The following NCOR2 variants were observed in gnomAD, a reference collection of about 807,000 sequenced individuals.
The protein encoded by NCOR2 is CTG repeat protein 26.
In NCOR2, 81 loss-of-function variants were observed where a neutral mutation model predicts 262.9. The observed-to-expected ratio is 0.31, with a 90% CI of 0.26 to 0.37. The LOEUF (loss-of-function observed/expected upper bound fraction) is 0.37. Among genes scored for constraint, NCOR2 ranks in the 10% least tolerant of loss-of-function variants. NCOR2 has a pLI of 1.00. For missense variants in NCOR2, 3,385 were observed against 3,621.4 expected (o/e 0.93, Z 1.68); for synonymous variants, 1,659 against 1,559.3 (o/e 1.06, Z -1.51).
At chr12:124,400,123 T>C (rs1281810683) in intron 15 of NCOR2, among the ~76,000 whole-genome samples, 1 of 152,162 alleles carries the variant, frequency 6.6e-6, no homozygotes, top group Non-Finnish European at 1.5e-5. Flanking sequence ...AATCCGGAAC[T>C]GGTCACTGGG....
In NCOR2 at chr12:124,372,153, CTTGAG is replaced by C. The variant is rs2039566562; in HGVS notation, c.2671_2675del (p.Leu891GlyfsTer36). The C allele has an allele frequency of 6.2e-7, 1 of 1,601,390 alleles. No individual in the cohort carries two copies. On this transcript the variant is annotated frameshift_variant, in exon 20 of 47. Coordinates refer to ENST00000405201, the Ensembl canonical transcript of NCOR2. LOFTEE classifies it high-confidence loss of function. ...CGCTCCCGCCCTCCTTCTTCTCTGCCTTGAGCGCCCCCTCGGCCGTGGCCTCAGCG... is the reference window on the plus strand; with the variant it reads ...CGCTCCCGCCCTCCTTCTTCTCTGCCCGCCCCCTCGGCCGTGGCCTCAGCG...
chr12:124,411,140 G>C lies in NCOR2; in HGVS notation c.1483-8579C>G, dbSNP rs191758432. Reference sequence around the variant, plus strand: ...AAAAGACTTAGATGGGGGAAAGAGAGAGAGACGGGAAAGCACATGCAGAGA... The same window carrying C: ...AAAAGACTTAGATGGGGGAAAGAGACAGAGACGGGAAAGCACATGCAGAGA... On this transcript the variant is annotated intron_variant, in intron 13 of 46. Transcript: ENST00000405201. 8.9e-4 allele frequency among the ~76,000 whole-genome samples: 136 copies of C among 151,970 alleles called. 1 individual carries two copies. Among genetic ancestry groups the C allele is most frequent in the Middle Eastern group, 3.4e-3 (1 of 294 alleles).
intron 6 of NCOR2, among the ~76,000 whole-genome samples, chr12:124,453,750 C>T (rs901249736): frequency 1.3e-5 from 2 of 152,220 alleles, no homozygotes; most frequent in African/African-American, 2.4e-5. Flanking sequence ...GCAGAGAGGT[C>T]GGGGCTGCTG....
chr12:124,342,770 G>T (rs73419849), intron 33 of NCOR2, among the ~76,000 whole-genome samples: 1 of 152,076 alleles, frequency 6.6e-6, no homozygotes, highest in African/African-American at 2.4e-5. Flanking sequence ...AAGTCCTGCC[G>T]GAAAAGAAAA....
chr12:124,553,453 G>T (rs942937509), intron 1 of NCOR2, among the ~76,000 whole-genome samples: 1 of 152,140 alleles, frequency 6.6e-6, no homozygotes, highest in African/African-American at 2.4e-5. Context: ...AACTCCCAAG[G>T]CCCCACCCCA....
intron 32 of NCOR2, among the ~76,000 whole-genome samples, chr12:124,343,787 C>T (rs957084244): frequency 6.6e-5 from 10 of 152,122 alleles, no homozygotes; most frequent in African/African-American, 1.7e-4. Flanking sequence ...CCACCACACC[C>T]GGTTATTTTT....
intron 5 of NCOR2, among the ~76,000 whole-genome samples, chr12:124,460,069 C>T (rs1383806356): frequency 6.6e-6 from 1 of 152,238 alleles, no homozygotes; most frequent in African/African-American, 2.4e-5. Flanking sequence ...GTCCACCTCC[C>T]TCGACCACTC....
chr12:124,382,764 T>C (rs1432528584), intron 17 of NCOR2, among the ~76,000 whole-genome samples: 1 of 152,232 alleles, frequency 6.6e-6, no homozygotes, highest in Non-Finnish European at 1.5e-5. Context: ...ATGGGGCTGC[T>C]GAATGGACAG....
At chr12:124,434,694 C>T (rs1352742254) in intron 8 of NCOR2, among the ~76,000 whole-genome samples, 3 of 152,198 alleles carry the variant, frequency 2.0e-5, no homozygotes, top group African/African-American at 7.2e-5. Flanking sequence ...GCGGCAAGAT[C>T]GCGCTGAATT....
chr12:124,358,192 ATG>A lies in NCOR2; in HGVS notation c.3101-1412_3101-1411del, dbSNP rs140446714. 3.8e-4 allele frequency among the ~76,000 whole-genome samples: 39 copies of A among 103,508 alleles called. 2 individuals are homozygous for A. In the East Asian group the frequency reaches 0.01, roughly 27 times the overall value. The allele number at this position is 103,508 out of a possible 152,430, so 67.9% of individuals were successfully genotyped here. ...ACAATGTTGAAGGAGATAACCTGTGATGTGTGTGCGCGTGCATGTGCATGTGT... is the reference window on the plus strand; with the variant it reads ...ACAATGTTGAAGGAGATAACCTGTGATGTGTGCGCGTGCATGTGCATGTGT... On this transcript the variant is annotated intron_variant, in intron 22 of 46. Coordinates refer to ENST00000405201, the Ensembl canonical transcript of NCOR2.
exon 11 of NCOR2, chr12:124,426,731 T>A: frequency 6.2e-7 from 1 of 1,611,078 alleles, no homozygotes; most frequent in Non-Finnish European, 8.5e-7. Context: ...ATGAACTTGA[T>A]GCGCTGCTGG....
chr12:124,408,575 G>A (rs1292650399), intron 13 of NCOR2, among the ~76,000 whole-genome samples: 1 of 151,740 alleles, frequency 6.6e-6, no homozygotes, highest in Non-Finnish European at 1.5e-5. Flanking sequence ...GTGAGACCCT[G>A]TCACTACAAA....
At chr12:124,458,384 T>C (rs1357774153) in intron 5 of NCOR2, among the ~76,000 whole-genome samples, 2 of 152,122 alleles carry the variant, frequency 1.3e-5, no homozygotes, top group South Asian at 2.1e-4. Context: ...ACAGCAGGTA[T>C]GTAGGTGGGC....
Position 124,503,242 on chromosome 12 carries a change from A to C in NCOR2, c.-117-7874T>G, listed in dbSNP as rs976065806. Among the ~76,000 whole-genome samples, 1 of 152,228 alleles carries C rather than the reference A, an allele frequency of 6.6e-6. No homozygotes were observed. The highest frequency in any genetic ancestry group is 6.5e-5 in the Admixed American group (1 of 15,280). ...CTACAGCAGTGACCAAGTCAGACAA[A>C]AGGCAAAAGGCCCTGCTGACCACGG... On this transcript the variant is annotated intron_variant, in intron 1 of 46. Coordinates refer to the NCOR2 transcript ENST00000404621. The surrounding 1 kb of genome is among the most constrained non-coding windows in gnomAD (Gnocchi z 4.3).
chr12:124,405,179 A>ACCCC (rs1440313758), intron 13 of NCOR2, among the ~76,000 whole-genome samples: 3 of 151,754 alleles, frequency 2.0e-5, no homozygotes, highest in African/African-American at 7.3e-5. Context: ...CTGGAACGTC[A>ACCCC]CCCCCTATGT....
intron 18 of NCOR2, among the ~76,000 whole-genome samples, chr12:124,377,923 C>A (rs1441393455): frequency 6.6e-6 from 1 of 152,048 alleles, no homozygotes; most frequent in Non-Finnish European, 1.5e-5. Flanking sequence ...ACAGCAGGCA[C>A]CCACAGGGCT....
chr12:124,544,045 A>G (rs1254532771), intron 1 of NCOR2, among the ~76,000 whole-genome samples: 1 of 152,122 alleles, frequency 6.6e-6, no homozygotes, highest in Non-Finnish European at 1.5e-5. Context: ...TGGGATCCAC[A>G]CTCAGCGTCA....
rs747443 is a variant in NCOR2, at chr12:124,483,803, T to C, written c.234-30A>G. On this transcript the variant is annotated intron_variant, in intron 2 of 46. Coordinates refer to ENST00000405201, the Ensembl canonical transcript of NCOR2. The surrounding 1 kb of genome is among the most constrained non-coding windows in gnomAD (Gnocchi z 6.3). ...AGGAGGTGAGGCATCCAACGTCACA[T>C]AGGAGATTGCGGCTCTGAGAACTCC... is the stretch of plus-strand genomic sequence containing the variant. 1,038,687 of 1,555,216 alleles carry C rather than the reference T, an allele frequency of 0.67. 351,801 individuals are homozygous for C. Among genetic ancestry groups the C allele is most frequent in the Non-Finnish European group, 0.7 (800,493 of 1,150,728 alleles).
intron 18 of NCOR2, among the ~76,000 whole-genome samples, chr12:124,377,862 C>T (rs2040134187): frequency 6.6e-6 from 1 of 151,080 alleles, no homozygotes; most frequent in Admixed American, 6.6e-5. Context: ...CAAAAAAAAA[C>T]TTTTCCAAAG....
Sources: gnomAD v4.1 joint callset for allele counts (sites outside exome capture counted in the v4.1 genomes callset) on GRCh38, gnomAD v4.1.1 for gene constraint, Gnocchi (gnomAD v3.1) non-coding constraint, MANE v1.5 for transcripts, NCBI Gene and HGNC (gene_info 2026-07-23, HGNC 2026-07-21) for gene names.